The following VPS13A variants were observed in gnomAD, a reference collection of about 807,000 sequenced individuals.
VPS13A encodes vacuolar protein sorting 13 homolog A.
Under a neutral mutation model 390.9 loss-of-function variants are expected in VPS13A, and 264 were observed. That is an observed-to-expected ratio of 0.68 (90% CI 0.61 to 0.75). VPS13A has a LOEUF of 0.75. Ranked by LOEUF, VPS13A falls within the 30% of genes least tolerant of loss-of-function variation. The pLI, the probability that VPS13A is intolerant of heterozygous loss-of-function variation, is 0.00. For synonymous variants in VPS13A, 1,231 were observed against 1,227.1 expected, an observed-to-expected ratio of 1.00 and a Z score of -0.07; for missense variants, 3,409 against 3,733.9, an observed-to-expected ratio of 0.91 and a Z score of 2.27.
At chr9:77,406,047 T>C in intron 70 of VPS13A, 60 bp downstream of exon 70, 1 of 1,599,400 alleles carries the variant, frequency 6.3e-7, no homozygotes, top group African/African-American at 1.3e-5. Context: ...TTTGAAGTAG[T>C]CCTTTTTATT....
intron 35 of VPS13A, among the ~76,000 whole-genome samples, chr9:77,311,052 G>A (rs1428184753): frequency 6.6e-6 from 1 of 151,990 alleles, no homozygotes; most frequent in Non-Finnish European, 1.5e-5. Flanking sequence ...AGCCTCCTGA[G>A]TAGCTGGGAC....
Position 77,177,559 on chromosome 9 carries a change from A to C in VPS13A, c.-146A>C. On this transcript the variant is annotated 5_prime_UTR_variant, in exon 1 of 72. Coordinates refer to ENST00000360280, the MANE Select transcript of VPS13A (RefSeq NM_033305.3). ...GCCTCCGTCTCTCGCTGGGCTCGCT[A>C]GGGCTGCGCGTTGGGCCAGCGGGGG... The C allele has an allele frequency of 1.4e-6, 1 of 718,210 alleles. No individual in the cohort carries two copies. Among genetic ancestry groups the C allele is most frequent in the Admixed American group, 2.1e-5 (1 of 48,660 alleles). The allele number at this position is 718,210 out of a possible 1,614,324, so 44.5% of individuals were successfully genotyped here.
chr9:77,367,233 A>C (rs779160219), intron 61 of VPS13A, among the ~76,000 whole-genome samples: 1 of 152,172 alleles, frequency 6.6e-6, no homozygotes, highest in Non-Finnish European at 1.5e-5. Context: ...AGCATTTGCA[A>C]CTAGAACAGA....
intron 3 of VPS13A, among the ~76,000 whole-genome samples, chr9:77,204,002 C>T (rs1031235556): frequency 1.3e-5 from 2 of 151,902 alleles, no homozygotes; most frequent in African/African-American, 4.8e-5. Context: ...CCAGCCTGGG[C>T]AAAATAGTGA....
At chr9:77,196,528 T>A (rs1825012868) in intron 1 of VPS13A, among the ~76,000 whole-genome samples, 1 of 152,176 alleles carries the variant, frequency 6.6e-6, no homozygotes, top group African/African-American at 2.4e-5. Context: ...TTCTATACAC[T>A]ACTTCTATGA....
At position 77,227,402 on chromosome 9, in the gene VPS13A, A is replaced by G; in HGVS notation, c.1369A>G (p.Met457Val). The change falls in exon 16 of 72, where the codon ATG (methionine) becomes GTG (valine). Residue 457 changes from methionine to valine, a missense_variant. Coordinates refer to ENST00000360280, the MANE Select transcript of VPS13A (RefSeq NM_033305.3). The stretch of plus-strand genomic sequence containing the variant: ...TTTCTGATTTGTAGCTCTTGAAGAA[A>G]TGTTGACACCTGAAGAAAAAGCTTT... ...PDVQPETLEE[M>V]LTPEEKALLY... is the part of the protein sequence containing the mutation. 6.2e-7 allele frequency: 1 copy of G among 1,612,956 alleles called. No homozygotes were observed.
intron 68 of VPS13A, 172 bp downstream of exon 68, chr9:77,382,259 T>A (rs759887247): frequency 4.8e-6 from 7 of 1,467,082 alleles, no homozygotes; most frequent in Non-Finnish European, 1.8e-6. Flanking sequence ...TACTATAAGA[T>A]TTTTTTTTCT....
chr9:77,355,911 T>C (rs547335714), intron 54 of VPS13A, among the ~76,000 whole-genome samples: 2 of 152,318 alleles, frequency 1.3e-5, no homozygotes, highest in African/African-American at 4.8e-5. Context: ...TGTAGTACAC[T>C]AACAAGTTTT....
At chr9:77,324,939 A>C (rs536979258) in intron 45 of VPS13A, among the ~76,000 whole-genome samples, 2 of 146,220 alleles carry the variant, frequency 1.4e-5, no homozygotes, top group Admixed American at 1.4e-4. Flanking sequence ...ATGGAAGACA[A>C]TTTTTCCACG....
At chr9:77,272,211 T>C (rs1826389877) in intron 23 of VPS13A, among the ~76,000 whole-genome samples, 1 of 152,144 alleles carries the variant, frequency 6.6e-6, no homozygotes, top group South Asian at 2.1e-4. Context: ...ACTGATATAA[T>C]TTGAAATCTT....
At chr9:77,207,036 C>T (rs1825674363) in intron 5 of VPS13A, among the ~76,000 whole-genome samples, 1 of 149,132 alleles carries the variant, frequency 6.7e-6, no homozygotes, top group South Asian at 2.1e-4. Flanking sequence ...TCTCTTAGGC[C>T]TTTTCTTTTT....
chr9:77,302,761 G>C (rs554232106), intron 33 of VPS13A, among the ~76,000 whole-genome samples, 154 bp from the exon 34 acceptor site: 1 of 151,408 alleles, frequency 6.6e-6, no homozygotes, highest in South Asian at 2.1e-4. Context: ...CATTTTGACA[G>C]ATAAAAAAAA....
chr9:77,214,521 CA>C, intron 10 of VPS13A, 135 bp downstream of exon 10: 1 of 602,570 alleles, frequency 1.7e-6, no homozygotes, highest in Non-Finnish European at 2.9e-6. Context: ...AATGTATATA[CA>C]AAAGCAAATA....
At chr9:77,297,383 C>T (rs1433312310) in intron 33 of VPS13A, among the ~76,000 whole-genome samples, 1 of 151,992 alleles carries the variant, frequency 6.6e-6, no homozygotes, top group East Asian at 1.9e-4. Context: ...ATCTTCTCTA[C>T]TCTGGGGCTT....
intron 19 of VPS13A, among the ~76,000 whole-genome samples, chr9:77,242,390 T>G (rs1390319176): frequency 1.3e-5 from 2 of 152,160 alleles, no homozygotes; most frequent in African/African-American, 4.8e-5. Context: ...TAATTTTTCT[T>G]TTTTCACAGA....
rs576662628 is a variant in VPS13A at position 77,405,340 on chromosome 9, G to GAA, written c.9276-522_9276-521dup. On this transcript the variant is annotated intron_variant, in intron 69 of 71. Coordinates refer to ENST00000360280, the MANE Select transcript of VPS13A (RefSeq NM_033305.3). Reference sequence around the variant, plus strand: ...ATACGTTACATGGAGCCTTAGAAATGAAAGTATTTATTCTAAGGCGTTAAT... The same window carrying GAA: ...ATACGTTACATGGAGCCTTAGAAATGAAAAAGTATTTATTCTAAGGCGTTAAT... 1.4e-4 allele frequency among the ~76,000 whole-genome samples: 21 copies of GAA among 152,262 alleles called. No homozygotes were observed. In the East Asian group the frequency reaches 3.7e-3, roughly 27 times the overall value.
chr9:77,178,688 C>T (rs983107425), intron 1 of VPS13A, among the ~76,000 whole-genome samples: 2 of 152,170 alleles, frequency 1.3e-5, no homozygotes, highest in Non-Finnish European at 2.9e-5. Flanking sequence ...GTGAGAGCCT[C>T]ATTTTTAGTG....
chr9:77,259,313 T>C (rs1056483318), intron 22 of VPS13A, among the ~76,000 whole-genome samples: 3 of 152,134 alleles, frequency 2.0e-5, no homozygotes, highest in African/African-American at 7.2e-5. Context: ...AAAGTTTAAG[T>C]GCATTAAGAG....
intron 68 of VPS13A, among the ~76,000 whole-genome samples, chr9:77,391,375 T>G (rs1174186197): frequency 3.9e-5 from 6 of 152,224 alleles, no homozygotes; most frequent in African/African-American, 1.4e-4. Context: ...TACATTCACT[T>G]GCCGAATGAA....
Sources: allele counts gnomAD v4.1 joint callset (sites outside exome capture counted in the v4.1 genomes callset), GRCh38; gene constraint gnomAD v4.1.1; transcripts MANE v1.5; gene names NCBI Gene and HGNC (gene_info 2026-07-23, HGNC 2026-07-21).